The following CDH13 variants were observed in gnomAD, a reference collection of about 807,000 sequenced individuals.
CDH13 encodes the protein cadherin-13.
CDH13 carries 24 observed loss-of-function variants against 63.8 expected under a neutral mutation model. The observed-to-expected ratio is 0.38, with a 90% CI of 0.27 to 0.53. CDH13 has a LOEUF of 0.53. Ranked by LOEUF, CDH13 falls within the 20% of genes least tolerant of loss-of-function variation. The pLI, the probability that CDH13 is intolerant of heterozygous loss-of-function variation, is 0.85. For missense variants in CDH13, 1,049 were observed against 903.1 expected (o/e 1.16, Z -2.07); for synonymous variants, 503 against 355.3 (o/e 1.42, Z -4.67).
chr16:82,723,205 T>C (rs896603114), intron 1 of CDH13: 3 of 152,184 alleles, frequency 2.0e-5, no homozygotes, highest in Non-Finnish European at 2.9e-5. Context: ...CTGAGAATGA[T>C]TGTAATGTAT....
At chr16:83,327,436 C>T (rs1319563419) in intron 5 of CDH13, among the ~76,000 whole-genome samples, 2 of 152,036 alleles carry the variant, frequency 1.3e-5, no homozygotes, top group Non-Finnish European at 2.9e-5. Context: ...GATCTGTCCT[C>T]CAGAAAAAAG....
intron 5 of CDH13, among the ~76,000 whole-genome samples, chr16:83,321,170 C>G (rs1056435050): frequency 2.0e-5 from 3 of 152,200 alleles, no homozygotes; most frequent in Admixed American, 6.5e-5. Context: ...ACTGAGCTGG[C>G]AGACACAGAC....
chr16:83,026,821 A>C (rs562533796), intron 2 of CDH13, among the ~76,000 whole-genome samples: 1 of 152,110 alleles, frequency 6.6e-6, no homozygotes, highest in Non-Finnish European at 1.5e-5. Context: ...ACTGATTCCA[A>C]CCATTCTTTG....
chr16:83,507,726 A>T (rs1025264781), intron 7 of CDH13, among the ~76,000 whole-genome samples: 1 of 152,118 alleles, frequency 6.6e-6, no homozygotes, highest in African/African-American at 2.4e-5. Flanking sequence ...TAGTTTAAAA[A>T]TGTTTTGCTT....
At chr16:83,533,081 A>G (rs1445781594) in intron 7 of CDH13, among the ~76,000 whole-genome samples, 1 of 152,120 alleles carries the variant, frequency 6.6e-6, no homozygotes, top group African/African-American at 2.4e-5. Flanking sequence ...GCCTGCTCCT[A>G]TTACAGTCTA....
intron 6 of CDH13, among the ~76,000 whole-genome samples, chr16:83,369,819 C>T (rs111949993): frequency 2.7e-4 from 41 of 152,280 alleles, no homozygotes; most frequent in Middle Eastern, 3.4e-3. Flanking sequence ...TCTCTAGAAA[C>T]GGCCATTCCC....
intron 1 of CDH13, among the ~76,000 whole-genome samples, chr16:82,848,071 G>C (rs1327529027): frequency 1.3e-5 from 2 of 152,128 alleles, no homozygotes. Flanking sequence ...TATGTTCAAA[G>C]AACAAAGAGA....
At chr16:83,366,278 C>T (rs949221971) in intron 6 of CDH13, among the ~76,000 whole-genome samples, 3 of 152,108 alleles carry the variant, frequency 2.0e-5, no homozygotes, top group Non-Finnish European at 2.9e-5. Context: ...ATTAAAACAG[C>T]AACGGAAGCA....
chr16:83,497,066 C>T (rs979915071), intron 7 of CDH13, among the ~76,000 whole-genome samples: 5 of 152,152 alleles, frequency 3.3e-5, no homozygotes, highest in African/African-American at 1.2e-4. Flanking sequence ...GTTGGTGGGA[C>T]TGTAAAGTAG....
chr16:82,917,774 G>C (rs1409149878), intron 2 of CDH13, among the ~76,000 whole-genome samples: 3 of 152,030 alleles, frequency 2.0e-5, no homozygotes, highest in African/African-American at 4.8e-5. Flanking sequence ...AATTAGCCAG[G>C]CTTGGTGGCT....
chr16:83,417,075 C>T (rs1199202055), intron 6 of CDH13, among the ~76,000 whole-genome samples: 1 of 152,124 alleles, frequency 6.6e-6, no homozygotes, highest in Non-Finnish European at 1.5e-5. Flanking sequence ...TGGGAATGAT[C>T]CTATGAGATA....
chr16:82,837,207 G>A (rs899396108), intron 1 of CDH13, among the ~76,000 whole-genome samples: 1 of 152,172 alleles, frequency 6.6e-6, no homozygotes, highest in African/African-American at 2.4e-5. Flanking sequence ...GCTCAGCGGG[G>A]TGACCTCCCA....
At chr16:83,064,051 A>G (rs1448345235) in intron 3 of CDH13, among the ~76,000 whole-genome samples, 1 of 152,192 alleles carries the variant, frequency 6.6e-6, no homozygotes, top group Non-Finnish European at 1.5e-5. Flanking sequence ...AGAGCTAAAA[A>G]TATACACTCT....
intron 4 of CDH13, among the ~76,000 whole-genome samples, chr16:83,166,496 A>G (rs1003535999): frequency 6.6e-6 from 1 of 152,072 alleles, no homozygotes; most frequent in African/African-American, 2.4e-5. Context: ...TCAGATTTTT[A>G]TCGTCTCAGA....
At chr16:83,291,795 A>G (rs2089472441) in intron 5 of CDH13, among the ~76,000 whole-genome samples, 1 of 152,182 alleles carries the variant, frequency 6.6e-6, no homozygotes, top group Non-Finnish European at 1.5e-5. Flanking sequence ...TTATTCGGGA[A>G]AATGCCCTGA....
At chr16:82,675,212 A>G (rs1913759430) in intron 1 of CDH13, among the ~76,000 whole-genome samples, 1 of 152,208 alleles carries the variant, frequency 6.6e-6, no homozygotes, top group South Asian at 2.1e-4. Flanking sequence ...TTTCATCCTA[A>G]GATTTCTCTG....
At chr16:83,677,805 A>T (rs1915084271) in intron 9 of CDH13, among the ~76,000 whole-genome samples, 1 of 152,092 alleles carries the variant, frequency 6.6e-6, no homozygotes, top group African/African-American at 2.4e-5. Context: ...ACGGAGTTAC[A>T]GGTTCCAGGC....
intron 1 of CDH13, among the ~76,000 whole-genome samples, chr16:82,773,897 C>T (rs2035373556): frequency 6.6e-6 from 1 of 152,032 alleles, no homozygotes; most frequent in Non-Finnish European, 1.5e-5. Context: ...AATTCTCCTG[C>T]TTCAGCCTCC....
intron 2 of CDH13, among the ~76,000 whole-genome samples, chr16:82,897,384 GAATA>G (rs1325787607): frequency 1.3e-5 from 2 of 152,062 alleles, no homozygotes; most frequent in Non-Finnish European, 2.9e-5. Context: ...AATGAATAAT[GAATA>G]AATGAATGAA....
Sources: allele counts gnomAD v4.1 joint callset (sites outside exome capture counted in the v4.1 genomes callset), GRCh38; gene constraint gnomAD v4.1.1; transcripts MANE v1.5; gene names NCBI Gene and HGNC (gene_info 2026-07-23, HGNC 2026-07-21).